Variants in DAGLA observed in about 807,000 individuals in gnomAD.
The protein encoded by DAGLA is diacylglycerol lipase alpha.
DAGLA carries 22 observed loss-of-function variants against 102.6 expected under a neutral mutation model. That is an observed-to-expected ratio of 0.21 (90% CI 0.15 to 0.31). The LOEUF is 0.31. DAGLA is among the 10% of genes least tolerant of loss of function. The probability of loss-of-function intolerance (pLI) is 1.00; values close to 1 mark genes in which losing one functional copy is unlikely to be tolerated. For missense variants in DAGLA, 927 were observed against 1,446.6 expected (o/e 0.64, Z 5.83); for synonymous variants, 578 against 628.9 (o/e 0.92, Z 1.21).
At chr11:61,712,576 G>A (rs757658309) in intron 1 of DAGLA, among the ~76,000 whole-genome samples, 6 of 152,208 alleles carry the variant, frequency 3.9e-5, no homozygotes, top group African/African-American at 4.8e-5. Flanking sequence ...GGCAGGCTCC[G>A]CTCTGCCTTC....
chr11:61,729,072 T>G, intron 8 of DAGLA, 64 bp downstream of exon 8: 2 of 1,384,978 alleles, frequency 1.4e-6, no homozygotes, highest in Non-Finnish European at 2.0e-6. Flanking sequence ...CACAATGACC[T>G]AAGCAAACTC....
chr11:61,737,145 A>G (rs1463309588), intron 13 of DAGLA, 37 bp from the exon 14 acceptor site: 1 of 1,612,036 alleles, frequency 6.2e-7, no homozygotes, highest in African/African-American at 1.3e-5. Flanking sequence ...CTTGGCGGGC[A>G]TTGGGGCAGG....
Position 61,728,919 on chromosome 11 carries a change from C to T in DAGLA, c.772-12C>T, listed in dbSNP as rs1392979368. The T allele has an allele frequency of 1.2e-6, 2 of 1,613,440 alleles. No individual in the cohort carries two copies. Among genetic ancestry groups the T allele is most frequent in the Non-Finnish European group, 1.7e-6 (2 of 1,179,434 alleles). On this transcript the variant is annotated splice_polypyrimidine_tract_variant and intron_variant, in intron 7 of 19. Transcript: ENST00000257215. ...GCCAGTGATTGTCCTTCTTCACCTG[C>T]CGGTCTTACAGGCAAACAATGACAT... is the stretch of plus-strand genomic sequence containing the variant.
chr11:61,735,023 G>A (rs746726533), intron 10 of DAGLA, 21 bp downstream of exon 10: 2 of 1,607,670 alleles, frequency 1.2e-6, no homozygotes, highest in East Asian at 2.2e-5. Flanking sequence ...GCAGGGCTGG[G>A]GCCTGGTGTC....
Position 61,743,669 on chromosome 11 carries a change from T to C in DAGLA, c.2309T>C (p.Leu770Pro). Residue 770 changes from leucine to proline, a missense_variant, in exon 20 of 20, where the codon CTG becomes CCG. Leu to Pro is a moderately conservative substitution (Grantham distance 98). Transcript: ENST00000257215. ...LSTQERLAAE[L>P]QARRAPLATM... ...ACCCAGGAGCGGCTGGCGGCGGAGC[T>C]GCAGGCCCGGCGGGCACCACTGGCC... The C allele has an allele frequency of 1.2e-6, 2 of 1,600,352 alleles. No homozygotes were observed. Among genetic ancestry groups the C allele is most frequent in the Non-Finnish European group, 1.7e-6 (2 of 1,176,236 alleles).
chr11:61,731,326 C>G lies in DAGLA; in HGVS notation c.859C>G (p.Leu287Val). The change falls in exon 9 of 20, where the codon CTC (leucine) becomes GTC (valine). Residue 287 changes from leucine to valine, a missense_variant. By Grantham distance (32) the Leu-to-Val change is conservative (BLOSUM62 1). Coordinates refer to ENST00000257215, the MANE Select transcript of DAGLA (RefSeq NM_006133.3). ...GCCTCCTCTCTTCTAGCAAGAGATG[C>G]TCCGCTACAAAGAGGTCTGCTACTA... is the stretch of plus-strand genomic sequence containing the variant. ...YLDLKNSQEM[L>V]RYKEVCYYML... 6.2e-7 allele frequency: 1 copy of G among 1,613,930 alleles called. No individual in the cohort carries two copies. The highest frequency in any genetic ancestry group is 8.5e-7 in the Non-Finnish European group (1 of 1,179,928).
chr11:61,687,161 C>A (rs892904502), intron 1 of DAGLA, among the ~76,000 whole-genome samples: 1 of 152,130 alleles, frequency 6.6e-6, no homozygotes, highest in Admixed American at 6.5e-5. Flanking sequence ...ATCTTACGGG[C>A]GGCTTAGGGA....
At chr11:61,696,240 C>G (rs1201225775) in intron 1 of DAGLA, among the ~76,000 whole-genome samples, 1 of 152,206 alleles carries the variant, frequency 6.6e-6, no homozygotes, top group Non-Finnish European at 1.5e-5. Context: ...CACCCTCGGC[C>G]TGGCTGTGCC....
At chr11:61,714,760 A>G (rs1371781302) in intron 1 of DAGLA, among the ~76,000 whole-genome samples, 3 of 152,220 alleles carry the variant, frequency 2.0e-5, no homozygotes, top group Non-Finnish European at 4.4e-5. Flanking sequence ...GAAAGGGGAC[A>G]GTGGGACTGT....
At chr11:61,718,044 T>G (rs1156640121) in intron 1 of DAGLA, among the ~76,000 whole-genome samples, 1 of 152,028 alleles carries the variant, frequency 6.6e-6, no homozygotes, top group African/African-American at 2.4e-5. Flanking sequence ...TATCCTGGGT[T>G]CCATGGGTCC....
chr11:61,683,047 C>T (rs1197761553), intron 1 of DAGLA, among the ~76,000 whole-genome samples: 1 of 152,206 alleles, frequency 6.6e-6, no homozygotes, highest in African/African-American at 2.4e-5. Flanking sequence ...TAATTCCCGA[C>T]AACAAGCTGC....
intron 1 of DAGLA, among the ~76,000 whole-genome samples, chr11:61,697,315 A>T (rs1417610098): frequency 2.0e-5 from 3 of 152,170 alleles, no homozygotes; most frequent in Non-Finnish European, 2.9e-5. Flanking sequence ...AGGAGCATAG[A>T]AGCCGGGCCA....
intron 5 of DAGLA, 66 bp downstream of exon 5, chr11:61,723,638 A>G (rs1336052547): frequency 5.7e-6 from 9 of 1,578,766 alleles, no homozygotes; most frequent in African/African-American, 2.7e-5. Context: ...AGAGGTCTCC[A>G]TTCTTCAGAA....
At chr11:61,739,288 T>C (rs1253050490) in intron 16 of DAGLA, among the ~76,000 whole-genome samples, 177 bp from the exon 17 acceptor site, 2 of 152,174 alleles carry the variant, frequency 1.3e-5, no homozygotes, top group Non-Finnish European at 2.9e-5. Flanking sequence ...CCTCAGCCAC[T>C]GCCTCTTCAG....
chr11:61,691,539 C>A (rs1445092804), intron 1 of DAGLA, among the ~76,000 whole-genome samples: 1 of 152,216 alleles, frequency 6.6e-6, no homozygotes, highest in African/African-American at 2.4e-5. Flanking sequence ...AGGTGGGACC[C>A]CCCCCAACCC....
chr11:61,711,905 A>G (rs2065197193), intron 1 of DAGLA, among the ~76,000 whole-genome samples: 1 of 152,236 alleles, frequency 6.6e-6, no homozygotes, highest in African/African-American at 2.4e-5. Flanking sequence ...CATCCATAAT[A>G]CAGGGCATAA....
In DAGLA at chr11:61,686,456, C is replaced by G. The variant is rs1304934608; in HGVS notation, c.-45+5952C>G. On this transcript the variant is annotated intron_variant, in intron 1 of 19. Coordinates refer to ENST00000257215, the MANE Select transcript of DAGLA (RefSeq NM_006133.3). This position sits in a 1 kb window ranked among gnomAD's most constrained non-coding sequence, Gnocchi z 5.2. ...TTGATCATTTTCTCACCAAATTACC[C>G]CTTGAAATTTCGCCTGCCTGAGTTC... 1.3e-5 allele frequency among the ~76,000 whole-genome samples: 2 copies of G among 152,218 alleles called. No homozygotes were observed. The highest frequency in any genetic ancestry group is 2.9e-5 in the Non-Finnish European group (2 of 68,038).
chr11:61,721,877 G>A (rs1407766658), intron 3 of DAGLA, among the ~76,000 whole-genome samples: 2 of 152,250 alleles, frequency 1.3e-5, no homozygotes, highest in Non-Finnish European at 1.5e-5. Context: ...GCGTGTAAAT[G>A]TCGGAGCTGG....
intron 17 of DAGLA, 89 bp downstream of exon 17, chr11:61,739,750 T>C (rs534564961): frequency 1.5e-6 from 2 of 1,356,658 alleles, no homozygotes; most frequent in South Asian, 1.4e-5. Context: ...CAATCACCGC[T>C]CGGGGCTGGG....
Sources: allele counts gnomAD v4.1 joint callset (sites outside exome capture counted in the v4.1 genomes callset), GRCh38; gene constraint gnomAD v4.1.1; non-coding constraint Gnocchi (gnomAD v3.1); transcripts MANE v1.5; gene names NCBI Gene and HGNC (gene_info 2026-07-23, HGNC 2026-07-21).